The following DGKB variants were observed in gnomAD, a reference collection of about 807,000 sequenced individuals.
DGKB encodes 90 kDa diacylglycerol kinase.
Under a neutral mutation model 114.3 loss-of-function variants are expected in DGKB, and 67 were observed. That is an observed-to-expected ratio of 0.59 (90% confidence interval 0.48 to 0.72). The LOEUF (loss-of-function observed/expected upper bound fraction) is 0.72. DGKB is among the 30% of genes least tolerant of loss of function. DGKB has a pLI of 0.00. For missense variants in DGKB, 907 were observed against 975.2 expected, an observed-to-expected ratio of 0.93 and a Z score of 0.93; for synonymous variants, 398 against 323.1, an observed-to-expected ratio of 1.23 and a Z score of -2.49.
At chr7:14,946,329 A>G (rs750317326) in intron 1 of DGKB, among the ~76,000 whole-genome samples, 1 of 151,802 alleles carries the variant, frequency 6.6e-6, no homozygotes, top group Non-Finnish European at 1.5e-5. Flanking sequence ...CAAGGCTTGA[A>G]GAGAAAATGA....
intron 13 of DGKB, among the ~76,000 whole-genome samples, chr7:14,663,369 A>G (rs1817491432): frequency 6.6e-6 from 1 of 152,020 alleles, no homozygotes; most frequent in Non-Finnish European, 1.5e-5. Context: ...ATGCCTGTTT[A>G]GGTCTCTTGC....
At chr7:14,754,604 AC>A (rs941287461) in intron 3 of DGKB, among the ~76,000 whole-genome samples, 2 of 152,080 alleles carry the variant, frequency 1.3e-5, no homozygotes, top group African/African-American at 4.8e-5. Flanking sequence ...GGAATGCTAA[AC>A]TGGTTTCCCC....
chr7:14,622,064 A>G (rs1159915781), intron 14 of DGKB, among the ~76,000 whole-genome samples: 1 of 151,976 alleles, frequency 6.6e-6, no homozygotes, highest in Non-Finnish European at 1.5e-5. Flanking sequence ...ACTCTCTCTT[A>G]ACACAACCCA....
chr7:14,950,246 G>T (rs922560603), intron 1 of DGKB, among the ~76,000 whole-genome samples: 1 of 151,850 alleles, frequency 6.6e-6, no homozygotes, highest in Non-Finnish European at 1.5e-5. Flanking sequence ...CCAATGAAAT[G>T]CAGCTAATAC....
chr7:14,928,245 A>T (rs888135673), intron 1 of DGKB, among the ~76,000 whole-genome samples: 17 of 151,976 alleles, frequency 1.1e-4, no homozygotes, highest in Admixed American at 6.6e-4. Flanking sequence ...ATAGAAATCT[A>T]TTTAGTTGTA....
At chr7:14,454,736 A>G (rs1257820495) in intron 21 of DGKB, among the ~76,000 whole-genome samples, 5 of 152,066 alleles carry the variant, frequency 3.3e-5, no homozygotes, top group African/African-American at 1.2e-4. Context: ...GGACCCCTGC[A>G]TTATAGCATC....
intron 1 of DGKB, among the ~76,000 whole-genome samples, chr7:14,866,200 T>G (rs1235814196): frequency 6.6e-6 from 1 of 152,176 alleles, no homozygotes; most frequent in Non-Finnish European, 1.5e-5. Flanking sequence ...TAGCTTCCAC[T>G]CTTTTTAAAA....
At chr7:14,961,889 G>T (rs1459718918) in intron 1 of DGKB, among the ~76,000 whole-genome samples, 2 of 151,952 alleles carry the variant, frequency 1.3e-5, no homozygotes, top group Non-Finnish European at 2.9e-5. Context: ...CTGCTCAGAG[G>T]ATCTAAGTTT....
intron 23 of DGKB, among the ~76,000 whole-genome samples, chr7:14,311,509 C>T (rs569895177): frequency 1.3e-5 from 2 of 152,116 alleles, no homozygotes; most frequent in Non-Finnish European, 2.9e-5. Context: ...GCAGCCTCCA[C>T]CTCCCTGGGC....
intron 2 of DGKB, among the ~76,000 whole-genome samples, chr7:14,775,273 G>T (rs1203475638): frequency 6.6e-6 from 1 of 151,454 alleles, no homozygotes; most frequent in Non-Finnish European, 1.5e-5. Context: ...TTTTATAGCT[G>T]TACCACAATT....
chr7:14,918,594 C>G (rs1784353998), intron 1 of DGKB, among the ~76,000 whole-genome samples: 1 of 151,462 alleles, frequency 6.6e-6, no homozygotes, highest in African/African-American at 2.4e-5. Context: ...TTTACAAAGT[C>G]CTAAAAAAAT....
At chr7:14,940,975 G>A (rs924150439) in intron 1 of DGKB, among the ~76,000 whole-genome samples, 2 of 151,940 alleles carry the variant, frequency 1.3e-5, no homozygotes, top group African/African-American at 4.8e-5. Context: ...TCTGAAATAC[G>A]ACTTTGATAG....
chr7:14,206,390 G>C (rs1584444866), intron 23 of DGKB, among the ~76,000 whole-genome samples: 1 of 152,008 alleles, frequency 6.6e-6, no homozygotes, highest in African/African-American at 2.4e-5. Context: ...GGTTTCAGGA[G>C]GAGAAACAGC....
At chr7:14,273,904 T>G (rs1798618350) in intron 23 of DGKB, among the ~76,000 whole-genome samples, 1 of 152,222 alleles carries the variant, frequency 6.6e-6, no homozygotes, top group South Asian at 2.1e-4. Flanking sequence ...TAACAGATAA[T>G]CAAGATGACA....
At chr7:14,629,105 G>A (rs548857972) in intron 14 of DGKB, among the ~76,000 whole-genome samples, 4 of 151,840 alleles carry the variant, frequency 2.6e-5, no homozygotes, top group South Asian at 2.1e-4. Flanking sequence ...GCTGGTAATC[G>A]GGGCAGAAAC....
intron 1 of DGKB, among the ~76,000 whole-genome samples, chr7:14,912,747 T>C (rs1202224712): frequency 6.6e-6 from 1 of 152,166 alleles, no homozygotes; most frequent in Non-Finnish European, 1.5e-5. Context: ...TGTCATTTTA[T>C]GATGTTAACT....
At chr7:14,564,367 C>G (rs1212868577) in intron 20 of DGKB, among the ~76,000 whole-genome samples, 1 of 152,150 alleles carries the variant, frequency 6.6e-6, no homozygotes, top group Non-Finnish European at 1.5e-5. Context: ...GATGCTGTGC[C>G]TGGGCCTGGT....
intron 21 of DGKB, among the ~76,000 whole-genome samples, chr7:14,417,696 T>A (rs534264948): frequency 2.1e-4 from 30 of 140,588 alleles, no homozygotes; most frequent in African/African-American, 7.4e-4. Context: ...TCTGGTGATT[T>A]TTTACTTTTT....
chr7:14,208,767 T>A (rs1209113961), intron 23 of DGKB, among the ~76,000 whole-genome samples: 1 of 152,042 alleles, frequency 6.6e-6, no homozygotes, highest in Non-Finnish European at 1.5e-5. Context: ...AGCCTCTGTA[T>A]CTAGCTTGAT....
Sources: allele counts gnomAD v4.1 joint callset (sites outside exome capture counted in the v4.1 genomes callset), GRCh38; gene constraint gnomAD v4.1.1; transcripts MANE v1.5; gene names NCBI Gene and HGNC (gene_info 2026-07-23, HGNC 2026-07-21).